WT1: variants seen among roughly 807,000 people sequenced by gnomAD.
WT1 encodes WT1 transcription factor.
Under a neutral mutation model 60.8 loss-of-function variants are expected in WT1, and 8 were observed. The ratio of observed to expected loss-of-function variants is 0.13; its 90% CI spans 0.08 to 0.24. The LOEUF (loss-of-function observed/expected upper bound fraction) is 0.24, where lower values mean the gene tolerates loss of function less well. Among genes scored for constraint, WT1 ranks in the 10% least tolerant of loss-of-function variants. The pLI is 1.00. For missense variants in WT1, 568 were observed against 711.8 expected, an observed-to-expected ratio of 0.80 and a Z score of 2.30; for synonymous variants, 312 against 297.1, an observed-to-expected ratio of 1.05 and a Z score of -0.52.
chr11:32,394,449 G>A (rs1263246597), intron 7 of WT1, among the ~76,000 whole-genome samples: 1 of 152,100 alleles, frequency 6.6e-6, no homozygotes, highest in Non-Finnish European at 1.5e-5. Context: ...TTTAGTACAT[G>A]ATCATGTACT....
At chr11:32,389,935 C>T (rs1339009875) in intron 9 of WT1, among the ~76,000 whole-genome samples, 2 of 152,096 alleles carry the variant, frequency 1.3e-5, no homozygotes, top group Admixed American at 6.6e-5. Flanking sequence ...TAACATATGC[C>T]AAGCCTTGTG....
At chr11:32,392,931 C>T (rs1422356169) in intron 7 of WT1, among the ~76,000 whole-genome samples, 176 bp from the exon 8 acceptor site, 1 of 151,006 alleles carries the variant, frequency 6.6e-6, no homozygotes, top group Non-Finnish European at 1.5e-5. Context: ...AGCTCAGGGG[C>T]CAGAGGATTC....
chr11:32,402,826 C>T (rs551901296), intron 5 of WT1, among the ~76,000 whole-genome samples: 1 of 152,354 alleles, frequency 6.6e-6, no homozygotes, highest in East Asian at 1.9e-4. Context: ...GCCAGGATCA[C>T]AGGAGTGAGC....
chr11:32,428,435 G>T, intron 2 of WT1, 62 bp downstream of exon 2: 1 of 1,611,144 alleles, frequency 6.2e-7, no homozygotes, highest in Non-Finnish European at 8.5e-7. Flanking sequence ...AGGAATTCCT[G>T]GGGGAGAGGA....
At chr11:32,429,468 C>T (rs995146079) in intron 1 of WT1, among the ~76,000 whole-genome samples, 3 of 147,620 alleles carry the variant, frequency 2.0e-5, no homozygotes, top group South Asian at 2.2e-4. Context: ...GCATTCCCCC[C>T]CCCCCCCAAA....
intron 5 of WT1, among the ~76,000 whole-genome samples, chr11:32,409,601 G>A (rs1372801726): frequency 2.0e-5 from 3 of 152,012 alleles, no homozygotes; most frequent in Non-Finnish European, 2.9e-5. Context: ...TGGGACTATA[G>A]GCATGCCAAT....
intron 1 of WT1, among the ~76,000 whole-genome samples, chr11:32,429,978 G>GAAAAA (rs71980595): frequency 2.2e-5 from 2 of 91,266 alleles, no homozygotes; most frequent in African/African-American, 5.0e-5. Context: ...CCCCCGCCCA[G>GAAAAA]AAAAAAAAAA....
chr11:32,400,155 A>G, intron 5 of WT1, 111 bp from the exon 6 acceptor site: 1 of 1,403,454 alleles, frequency 7.1e-7, no homozygotes, highest in East Asian at 2.5e-5. Context: ...CAGAACAAAA[A>G]TAGTTGGTTT....
chr11:32,428,844 A>C (rs1590396866), intron 1 of WT1: 3 of 633,550 alleles, frequency 4.7e-6, no homozygotes, highest in South Asian at 1.9e-5. Context: ...TCTGACTAAA[A>C]CCCCCACCTC....
At chr11:32,397,801 C>G (rs901599848) in intron 6 of WT1, among the ~76,000 whole-genome samples, 1 of 152,156 alleles carries the variant, frequency 6.6e-6, no homozygotes, top group Non-Finnish European at 1.5e-5. Context: ...TACAACACAA[C>G]ATTGATGTTA....
chr11:32,407,085 C>T (rs1415501556), intron 5 of WT1, among the ~76,000 whole-genome samples: 15 of 151,926 alleles, frequency 9.9e-5, no homozygotes, highest in Admixed American at 3.3e-4. Flanking sequence ...AGCGACAGAG[C>T]GAGACTCTGT....
Position 32,392,652 on chromosome 11 carries a change from G to A in WT1, c.1354+14C>T, listed in dbSNP as rs1183140824. The A allele has an allele frequency of 1.9e-6, 3 of 1,613,504 alleles. No individual in the cohort carries two copies. The highest frequency in any genetic ancestry group is 2.5e-6 in the Non-Finnish European group (3 of 1,179,472). On this transcript the variant is annotated intron_variant, in intron 8 of 9. Coordinates refer to ENST00000452863, the MANE Select transcript of WT1 (RefSeq NM_024426.6). ...GGAACACAGCTGCCAGCAATGAGAA[G>A]TGAACCTACAAACCTGTATGTCTCC...
intron 9 of WT1, among the ~76,000 whole-genome samples, chr11:32,391,135 C>A (rs1318961994): frequency 1.3e-5 from 2 of 152,098 alleles, no homozygotes; most frequent in Admixed American, 6.5e-5. Context: ...TAGGTCCACA[C>A]CACCATGCCC....
intron 5 of WT1, among the ~76,000 whole-genome samples, chr11:32,413,811 G>T (rs1005547370): frequency 1.3e-5 from 2 of 152,172 alleles, no homozygotes; most frequent in Admixed American, 1.3e-4. Context: ...CAGTCTAAAA[G>T]GTTTCCACCC....
chr11:32,403,868 C>T (rs554516097), intron 5 of WT1, among the ~76,000 whole-genome samples: 8 of 152,086 alleles, frequency 5.3e-5, no homozygotes, highest in Admixed American at 4.6e-4. Context: ...TACTGCACCG[C>T]GCCCAGCCGC....
chr11:32,411,068 TACACACACAC>T (rs10525221), intron 5 of WT1, among the ~76,000 whole-genome samples: 2 of 145,708 alleles, frequency 1.4e-5, no homozygotes, highest in African/African-American at 2.5e-5. Context: ...CCCTCTCCAA[TACACACACAC>T]ACACACACAC....
intron 7 of WT1, 119 bp downstream of exon 7, chr11:32,396,138 C>T (rs1851961947): frequency 2.8e-6 from 4 of 1,436,704 alleles, no homozygotes; most frequent in African/African-American, 1.4e-5. Context: ...TGGATCAGAC[C>T]TTTCAAAGCA....
intron 8 of WT1, 81 bp from the exon 9 acceptor site, chr11:32,392,145 G>T: frequency 7.9e-7 from 1 of 1,264,050 alleles, no homozygotes; most frequent in East Asian, 2.3e-5. Context: ...CCGGCAGCTG[G>T]AGGAGCCCAG....
chr11:32,432,018 G>A (rs1320857914), intron 1 of WT1, among the ~76,000 whole-genome samples: 1 of 152,190 alleles, frequency 6.6e-6, no homozygotes, highest in Non-Finnish European at 1.5e-5. Context: ...TTCTTGCAAA[G>A]GTTCTCGAGG....
Sources: gnomAD v4.1 joint callset for allele counts (sites outside exome capture counted in the v4.1 genomes callset) on GRCh38, gnomAD v4.1.1 for gene constraint, MANE v1.5 for transcripts, NCBI Gene and HGNC (gene_info 2026-07-23, HGNC 2026-07-21) for gene names.